Variants in SH2D4B observed in about 807,000 individuals in gnomAD.
SH2D4B encodes SH2 domain-containing protein 4B.
SH2D4B carries 45 observed loss-of-function variants against 61.5 expected under a neutral mutation model. That is an observed-to-expected ratio of 0.73 (90% CI 0.58 to 0.94). SH2D4B has a LOEUF of 0.94. SH2D4B is among the 40% of genes least tolerant of loss of function. The pLI is 0.00. For missense variants in SH2D4B, 572 were observed against 574.2 expected (o/e 1.00, Z 0.04); for synonymous variants, 224 against 220.4 (o/e 1.02, Z -0.14).
At chr10:80,584,815 C>T (rs1842224601) in intron 3 of SH2D4B, among the ~76,000 whole-genome samples, 1 of 152,118 alleles carries the variant, frequency 6.6e-6, no homozygotes, top group African/African-American at 2.4e-5. Context: ...AATATAAGTG[C>T]TAAATATGCA....
chr10:80,604,903 C>T (rs1842499407), intron 5 of SH2D4B, among the ~76,000 whole-genome samples: 1 of 152,036 alleles, frequency 6.6e-6, no homozygotes, highest in Non-Finnish European at 1.5e-5. Context: ...ACTCCATTCT[C>T]CTGCCTCAGC....
At position 80,539,244 on chromosome 10, in the gene SH2D4B, C is replaced by G. The variant is rs1841547024; in HGVS notation, c.184+729C>G. Among the ~76,000 whole-genome samples, 1 of 152,236 alleles carries G rather than the reference C, an allele frequency of 6.6e-6. No individual in the cohort carries two copies. The highest frequency in any genetic ancestry group is 6.5e-5 in the Admixed American group (1 of 15,290). On this transcript the variant is annotated intron_variant, in intron 1 of 7. Coordinates refer to ENST00000646907, the MANE Select transcript of SH2D4B (RefSeq NM_001388272.1). This position sits in a 1 kb window ranked among gnomAD's most constrained non-coding sequence, Gnocchi z 4.9. ...GACCCCTGGGCCAGAAACTGGCAGG[C>G]TGCTGAGGCTTGGCTTGGCACAGGA...
Position 80,644,042 on chromosome 10 carries a change from G to A in SH2D4B, c.1259G>A (p.Gly420Glu). Residue 420 changes from glycine to glutamate, a missense_variant, in exon 8 of 8, where the codon GGA becomes GAA. Physicochemically the swap from Gly to Glu is moderately conservative, Grantham distance 98. Coordinates refer to ENST00000646907, the MANE Select transcript of SH2D4B (RefSeq NM_001388272.1). ...SGGELLQEPC[G>E]QRDSPPDYHL... ...GGAGAGTTACTTCAGGAACCCTGCG[G>A]ACAGAGGGACAGCCCACCAGACTAC... The A allele has an allele frequency of 1.2e-6, 2 of 1,613,902 alleles. No homozygotes were observed. The highest frequency in any genetic ancestry group is 1.7e-6 in the Non-Finnish European group (2 of 1,179,922).
At chr10:80,619,511 C>T (rs1226264848) in intron 6 of SH2D4B, among the ~76,000 whole-genome samples, 2 of 152,216 alleles carry the variant, frequency 1.3e-5, no homozygotes, top group African/African-American at 4.8e-5. Context: ...AAGTCTCCAT[C>T]AAGGCCCCCA....
In SH2D4B at chr10:80,540,973, C is replaced by A. The variant is rs1243541899; in HGVS notation, c.184+2458C>A. On this transcript the variant is annotated intron_variant, in intron 1 of 7. Coordinates refer to ENST00000646907, the MANE Select transcript of SH2D4B (RefSeq NM_001388272.1). ...CCAGTTGATGTCCAGGCTCTTGAAACTGTCTTGAGAAAGAACTCGGGAATG... is the reference window on the plus strand; with the variant it reads ...CCAGTTGATGTCCAGGCTCTTGAAAATGTCTTGAGAAAGAACTCGGGAATG... 8 of 1,390,976 alleles carry A rather than the reference C, an allele frequency of 5.8e-6. No homozygotes were observed. In the South Asian group the frequency reaches 7.4e-5, roughly 13 times the overall value. 86.2% of individuals were successfully genotyped at this position (1,390,976 alleles called of 1,614,324 possible). A position where few individuals can be genotyped will look rare whatever the true frequency, so the allele number is the denominator to read the frequency against.
chr10:80,600,604 C>T (rs1842441808), intron 4 of SH2D4B, among the ~76,000 whole-genome samples: 1 of 151,872 alleles, frequency 6.6e-6, no homozygotes, highest in South Asian at 2.1e-4. Flanking sequence ...AGGCAGGGCA[C>T]TTCTCAGGGC....
intron 4 of SH2D4B, among the ~76,000 whole-genome samples, chr10:80,600,054 T>C (rs907084488): frequency 6.6e-6 from 1 of 152,192 alleles, no homozygotes; most frequent in African/African-American, 2.4e-5. Flanking sequence ...ACCTAGCCCA[T>C]GCCAGGGCTT....
chr10:80,591,543 G>T (rs1842327292), intron 4 of SH2D4B, among the ~76,000 whole-genome samples: 1 of 119,332 alleles, frequency 8.4e-6, no homozygotes, highest in Non-Finnish European at 1.6e-5. Context: ...GTCTTGTTCT[G>T]TCACCCAGGC....
chr10:80,639,380 G>A (rs1840247353), intron 7 of SH2D4B, among the ~76,000 whole-genome samples: 1 of 152,140 alleles, frequency 6.6e-6, no homozygotes, highest in Admixed American at 6.5e-5. Context: ...AATATTGACA[G>A]GGGGTGTTAA....
At chr10:80,630,184 G>C (rs1255459663) in intron 6 of SH2D4B, among the ~76,000 whole-genome samples, 2 of 152,242 alleles carry the variant, frequency 1.3e-5, no homozygotes, top group Non-Finnish European at 2.9e-5. Flanking sequence ...GGCTGATTGA[G>C]AGCCCCAGAG....
intron 4 of SH2D4B, among the ~76,000 whole-genome samples, chr10:80,601,791 A>G (rs1842454250): frequency 6.6e-6 from 1 of 152,232 alleles, no homozygotes; most frequent in African/African-American, 2.4e-5. Flanking sequence ...TTATCCTGCA[A>G]ATACTCACAG....
chr10:80,580,374 C>T (rs982757310), intron 3 of SH2D4B, among the ~76,000 whole-genome samples: 19 of 152,120 alleles, frequency 1.2e-4, no homozygotes, highest in African/African-American at 4.6e-4. Context: ...GGCGTGAAGG[C>T]CCTTAGGGTA....
intron 1 of SH2D4B, chr10:80,541,042 A>G (rs1684155566): frequency 4.9e-6 from 4 of 814,494 alleles, no homozygotes; most frequent in East Asian, 2.7e-5. Flanking sequence ...GTGAGAAGCG[A>G]AAGTACACAC....
rs1189046540 is a variant in SH2D4B, at chr10:80,539,121, G to A, written c.184+606G>A. On this transcript the variant is annotated intron_variant, in intron 1 of 7. Transcript: ENST00000646907. The surrounding 1 kb of genome is among the most constrained non-coding windows in gnomAD (Gnocchi z 4.9). ...TGGTCGTAGCAACTGCAGATGAGAA[G>A]CAAGGGCCTAGCCTACATTTCAGGT... Among the ~76,000 whole-genome samples the A allele has an allele frequency of 6.6e-6, 1 of 152,218 alleles. No homozygotes were observed. Among genetic ancestry groups the A allele is most frequent in the Non-Finnish European group, 1.5e-5 (1 of 68,044 alleles).
intron 3 of SH2D4B, among the ~76,000 whole-genome samples, chr10:80,576,938 T>C (rs1842132718): frequency 1.3e-5 from 2 of 152,148 alleles, no homozygotes; most frequent in Non-Finnish European, 2.9e-5. Flanking sequence ...CAGCAATTTT[T>C]TGTAGTTTTA....
intron 3 of SH2D4B, among the ~76,000 whole-genome samples, chr10:80,580,284 G>T (rs1842173309): frequency 6.6e-6 from 1 of 152,198 alleles, no homozygotes; most frequent in South Asian, 2.1e-4. Context: ...AGGGAAGAAT[G>T]AGACAGGAGT....
intron 6 of SH2D4B, among the ~76,000 whole-genome samples, chr10:80,630,321 A>T (rs1430524828): frequency 6.6e-6 from 1 of 152,156 alleles, no homozygotes; most frequent in Non-Finnish European, 1.5e-5. Context: ...GAAGGGCATG[A>T]TGCTGCTCCC....
At chr10:80,638,904 CT>C (rs2132165752) in intron 7 of SH2D4B, among the ~76,000 whole-genome samples, 1 of 152,324 alleles carries the variant, frequency 6.6e-6, no homozygotes, top group East Asian at 1.9e-4. Context: ...ATCTTTCCTG[CT>C]TTCTCTTGTG....
intron 7 of SH2D4B, among the ~76,000 whole-genome samples, chr10:80,635,809 T>A (rs571021212): frequency 3.9e-5 from 6 of 152,354 alleles, no homozygotes; most frequent in South Asian, 2.1e-4. Context: ...GTTCATTTTT[T>A]AAATTATACT....
Sources: gnomAD v4.1 joint callset for allele counts (sites outside exome capture counted in the v4.1 genomes callset) on GRCh38, gnomAD v4.1.1 for gene constraint, Gnocchi (gnomAD v3.1) non-coding constraint, MANE v1.5 for transcripts, NCBI Gene and HGNC (gene_info 2026-07-23, HGNC 2026-07-21) for gene names.